Variants in MACROD2 observed in about 807,000 individuals in gnomAD.
MACROD2 encodes mono-ADP ribosylhydrolase 2, also known as ADP-ribose glycohydrolase MACROD2.
A neutral mutation model predicts 70.4 loss-of-function variants in MACROD2; 36 were observed. The ratio of observed to expected loss-of-function variants is 0.51; its 90% CI spans 0.39 to 0.68. The LOEUF is 0.68. MACROD2 is among the 30% of genes least tolerant of loss of function. The pLI is 0.00. For synonymous variants in MACROD2, 172 were observed against 178.8 expected (o/e 0.96, Z 0.30); for missense variants, 496 against 538.4 (o/e 0.92, Z 0.78).
At chr20:14,130,935 T>G (rs1272219007) in intron 3 of MACROD2, among the ~76,000 whole-genome samples, 1 of 150,908 alleles carries the variant, frequency 6.6e-6, no homozygotes, top group Non-Finnish European at 1.5e-5. Context: ...TTTTTGTTTT[T>G]TTTTTTTTTT....
chr20:15,428,199 C>T (rs2146352303), intron 6 of MACROD2, among the ~76,000 whole-genome samples: 1 of 152,312 alleles, frequency 6.6e-6, no homozygotes, highest in Non-Finnish European at 1.5e-5. Flanking sequence ...TCAGAGTTTC[C>T]ATTTACTAAA....
At chr20:15,239,673 C>A (rs1285169726) in intron 6 of MACROD2, among the ~76,000 whole-genome samples, 2 of 152,176 alleles carry the variant, frequency 1.3e-5, no homozygotes, top group Non-Finnish European at 2.9e-5. Flanking sequence ...AGCAGGTAAG[C>A]TATCCCGGAG....
At chr20:15,974,154 G>A (rs1447571881) in intron 13 of MACROD2, among the ~76,000 whole-genome samples, 1 of 152,200 alleles carries the variant, frequency 6.6e-6, no homozygotes, top group South Asian at 2.1e-4. Context: ...TATTCTGGCC[G>A]ACATTTCAAA....
At chr20:14,054,354 G>GC (rs2053608936) in intron 2 of MACROD2, among the ~76,000 whole-genome samples, 1 of 151,956 alleles carries the variant, frequency 6.6e-6, no homozygotes, top group African/African-American at 2.4e-5. Context: ...CCAGCTGAGT[G>GC]CAAGTTGTAG....
chr20:14,267,891 G>C (rs546353191), intron 3 of MACROD2, among the ~76,000 whole-genome samples: 1 of 151,870 alleles, frequency 6.6e-6, no homozygotes, highest in Non-Finnish European at 1.5e-5. Flanking sequence ...ACCATTCATG[G>C]GCAAGAATCT....
chr20:15,321,902 C>T (rs1600239656), intron 6 of MACROD2, among the ~76,000 whole-genome samples: 1 of 143,686 alleles, frequency 7.0e-6, no homozygotes, highest in East Asian at 2.0e-4. Context: ...AAGTAATTCT[C>T]CTACCTCAGC....
intron 5 of MACROD2, among the ~76,000 whole-genome samples, chr20:15,021,819 G>A (rs912228078): frequency 9.2e-5 from 14 of 151,818 alleles, no homozygotes; most frequent in Non-Finnish European, 2.1e-4. Flanking sequence ...CATGAAGAGT[G>A]AACCCTAACA....
chr20:15,982,910 T>C (rs1182144702), intron 13 of MACROD2, among the ~76,000 whole-genome samples: 3 of 149,424 alleles, frequency 2.0e-5, no homozygotes, highest in Non-Finnish European at 3.0e-5. Flanking sequence ...GGGGGCCATT[T>C]GGAAACCTCG....
chr20:14,003,774 A>G, intron 2 of MACROD2: 1 of 378,304 alleles, frequency 2.6e-6, no homozygotes, highest in Non-Finnish European at 5.0e-6. Flanking sequence ...AATCTTGTAC[A>G]AAGGTTAAAA....
intron 5 of MACROD2, among the ~76,000 whole-genome samples, chr20:15,196,142 G>A (rs2076604995): frequency 6.6e-6 from 1 of 152,092 alleles, no homozygotes; most frequent in Admixed American, 6.6e-5. Flanking sequence ...TTAATAGCTA[G>A]GTGATTAGGT....
chr20:15,360,893 T>C (rs1166487917), intron 6 of MACROD2, among the ~76,000 whole-genome samples: 5 of 152,060 alleles, frequency 3.3e-5, no homozygotes, highest in Non-Finnish European at 7.4e-5. Context: ...TTTGCCCATT[T>C]TCTAGTTGGA....
chr20:14,433,754 A>G (rs1041064933), intron 3 of MACROD2, among the ~76,000 whole-genome samples: 3 of 152,142 alleles, frequency 2.0e-5, no homozygotes, highest in East Asian at 1.9e-4. Flanking sequence ...ATATTCTGCA[A>G]GTGGCTGGAG....
intron 5 of MACROD2, among the ~76,000 whole-genome samples, chr20:15,183,680 A>G (rs1347665128): frequency 6.6e-6 from 1 of 152,208 alleles, no homozygotes; most frequent in Admixed American, 6.5e-5. Context: ...GTCCATTGCA[A>G]TGGCTAGACC....
chr20:14,100,374 C>T (rs1436796360), intron 3 of MACROD2, among the ~76,000 whole-genome samples: 1 of 151,104 alleles, frequency 6.6e-6, no homozygotes, highest in Non-Finnish European at 1.5e-5. Flanking sequence ...TTTGCTTTTG[C>T]ATCGTAGATA....
chr20:14,914,982 G>A (rs906082159), intron 5 of MACROD2, among the ~76,000 whole-genome samples: 2 of 152,078 alleles, frequency 1.3e-5, no homozygotes, highest in Non-Finnish European at 2.9e-5. Context: ...AGATTCGACT[G>A]ATTTTTTTAA....
intron 3 of MACROD2, among the ~76,000 whole-genome samples, chr20:14,305,662 A>C (rs1181458920): frequency 6.6e-6 from 1 of 152,132 alleles, no homozygotes; most frequent in East Asian, 1.9e-4. Context: ...CAACCTCCCA[A>C]ATAAATTTTC....
intron 6 of MACROD2, among the ~76,000 whole-genome samples, chr20:15,347,236 T>G (rs2078176786): frequency 6.6e-6 from 1 of 152,232 alleles, no homozygotes; most frequent in South Asian, 2.1e-4. Context: ...CCAAGATCTT[T>G]AATGACCCTT....
In MACROD2 at chr20:16,052,095, G is replaced by A. The variant is rs992841976; in HGVS notation, c.*2219G>A. On this transcript the variant is annotated 3_prime_UTR_variant, in exon 18 of 18. Transcript: ENST00000684519. ...GTATCCAGGAAACTAAGAGAATGAG[G>A]AATAAATATCTTCAGCCCGACTCCT... 15 of 152,144 alleles carry A rather than the reference G, an allele frequency of 9.9e-5. No individual in the cohort carries two copies. Among genetic ancestry groups the A allele is most frequent in the Admixed American group, 6.5e-5 (1 of 15,282 alleles). The allele number at this position is 152,144 out of a possible 1,614,324, so 9.4% of individuals were successfully genotyped here.
intron 4 of MACROD2, among the ~76,000 whole-genome samples, chr20:14,638,029 G>T (rs1568713480): frequency 2.0e-5 from 3 of 150,202 alleles, no homozygotes; most frequent in Non-Finnish European, 4.4e-5. Context: ...TTCTTTCTGG[G>T]TTTTTTTTTC....
Sources: gnomAD v4.1 joint callset for allele counts (sites outside exome capture counted in the v4.1 genomes callset) on GRCh38, gnomAD v4.1.1 for gene constraint, MANE v1.5 for transcripts, NCBI Gene and HGNC (gene_info 2026-07-23, HGNC 2026-07-21) for gene names.